The following LUZP2 variants were observed in gnomAD, a reference collection of about 807,000 sequenced individuals.
LUZP2 encodes leucine zipper protein 2.
In LUZP2, 52 loss-of-function variants were observed where a neutral mutation model predicts 51.6. That is an observed-to-expected ratio of 1.01 (90% CI 0.81 to 1.27). The LOEUF (loss-of-function observed/expected upper bound fraction) is 1.27, where lower values mean the gene tolerates loss of function less well. LUZP2 is among the 50% of genes most tolerant of loss of function. The pLI is 0.00. For missense variants in LUZP2, 436 were observed against 395.4 expected, an observed-to-expected ratio of 1.10 and a Z score of -0.87; for synonymous variants, 154 against 137.3, an observed-to-expected ratio of 1.12 and a Z score of -0.85.
chr11:24,762,716 TC>T (rs1419453205), intron 4 of LUZP2, among the ~76,000 whole-genome samples: 1 of 152,116 alleles, frequency 6.6e-6, no homozygotes, highest in Non-Finnish European at 1.5e-5. Context: ...GAAATACGGT[TC>T]CAATAAGTGG....
chr11:24,952,198 C>T (rs1178225856), intron 7 of LUZP2, among the ~76,000 whole-genome samples: 5 of 151,506 alleles, frequency 3.3e-5, no homozygotes, highest in African/African-American at 1.2e-4. Flanking sequence ...TTATCATCGC[C>T]ATCGTTATTT....
intron 1 of LUZP2, among the ~76,000 whole-genome samples, chr11:24,513,947 T>C (rs902085190): frequency 6.6e-6 from 1 of 152,210 alleles, no homozygotes; most frequent in South Asian, 2.1e-4. Flanking sequence ...ACGGATTTAA[T>C]GTTTTGAAGT....
At chr11:24,922,918 G>A (rs181977143) in intron 7 of LUZP2, among the ~76,000 whole-genome samples, 1 of 136,842 alleles carries the variant, frequency 7.3e-6, no homozygotes, top group African/African-American at 2.8e-5. Flanking sequence ...GCACGATCTC[G>A]GCTTACTGAA....
chr11:25,015,591 T>A (rs1857124929), intron 9 of LUZP2, among the ~76,000 whole-genome samples: 1 of 152,112 alleles, frequency 6.6e-6, no homozygotes, highest in Non-Finnish European at 1.5e-5. Flanking sequence ...GCATTCCCAA[T>A]ACAGATCTGT....
chr11:24,762,040 G>A (rs2134030350), intron 4 of LUZP2, among the ~76,000 whole-genome samples: 1 of 152,002 alleles, frequency 6.6e-6, no homozygotes, highest in East Asian at 1.9e-4. Flanking sequence ...AAGAAAATTG[G>A]ACAAAACATT....
At chr11:24,504,373 G>C (rs1850089233) in intron 1 of LUZP2, among the ~76,000 whole-genome samples, 1 of 152,118 alleles carries the variant, frequency 6.6e-6, no homozygotes, top group African/African-American at 2.4e-5. Context: ...GTCACAGTTT[G>C]TGTGATGATG....
chr11:25,013,360 A>C (rs10834579), intron 9 of LUZP2, among the ~76,000 whole-genome samples: 133,931 of 151,900 alleles, frequency 0.88, 61,418 homozygotes, highest in Non-Finnish European at 1. Flanking sequence ...GTGAGGGACA[A>C]CCTAGATACC....
rs556585700 is a variant in LUZP2, at chr11:24,989,892, T to C, written c.765+6599T>C. 1.7e-4 allele frequency among the ~76,000 whole-genome samples: 26 copies of C among 152,274 alleles called. No individual in the cohort carries two copies. The South Asian group carries it at 5.4e-3, about 32-fold the overall frequency. ...AGGTTGTTTTTTTTCTATACTAGTATTGCTAATTATTATAAATATACAAAC... is the reference window on the plus strand; with the variant it reads ...AGGTTGTTTTTTTTCTATACTAGTACTGCTAATTATTATAAATATACAAAC... On this transcript the variant is annotated intron_variant, in intron 9 of 11. Transcript: ENST00000336930.
intron 4 of LUZP2, among the ~76,000 whole-genome samples, chr11:24,761,579 C>T (rs1859981247): frequency 6.6e-6 from 1 of 152,140 alleles, no homozygotes; most frequent in Non-Finnish European, 1.5e-5. Flanking sequence ...GGCCACTCAC[C>T]TCTGGGCTCC....
chr11:25,019,760 C>G (rs1250957191), intron 9 of LUZP2, among the ~76,000 whole-genome samples: 1 of 152,022 alleles, frequency 6.6e-6, no homozygotes, highest in Non-Finnish European at 1.5e-5. Flanking sequence ...ACTATTTAAA[C>G]TGCCGTTATG....
intron 1 of LUZP2, among the ~76,000 whole-genome samples, chr11:24,523,929 C>T (rs1390062544): frequency 6.6e-6 from 1 of 151,602 alleles, no homozygotes; most frequent in East Asian, 1.9e-4. Flanking sequence ...TGTGTCCAGC[C>T]TCTTTGAAAA....
At chr11:25,002,926 G>C (rs949121813) in intron 9 of LUZP2, among the ~76,000 whole-genome samples, 6 of 152,032 alleles carry the variant, frequency 3.9e-5, no homozygotes, top group Non-Finnish European at 7.4e-5. Context: ...TGTATACAGG[G>C]ATCCATAGTC....
chr11:24,761,820 T>G (rs1590470439), intron 4 of LUZP2, among the ~76,000 whole-genome samples: 1 of 152,184 alleles, frequency 6.6e-6, no homozygotes, highest in East Asian at 1.9e-4. Context: ...TTCTCATAAT[T>G]TAGGCAAACT....
chr11:24,870,168 GAA>G (rs904355702), intron 5 of LUZP2, among the ~76,000 whole-genome samples: 1 of 152,068 alleles, frequency 6.6e-6, no homozygotes, highest in Non-Finnish European at 1.5e-5. Flanking sequence ...AACTGTAAAG[GAA>G]AAGTTTGAGC....
rs1401902739 is a variant in LUZP2 at position 24,732,207 on chromosome 11, TC to T, written c.251+20del. On this transcript the variant is annotated intron_variant, in intron 3 of 11. Coordinates refer to ENST00000336930, the MANE Select transcript of LUZP2 (RefSeq NM_001009909.4). ...AACAAAGGTAAGACTTTTCTTTTTTTCTTAGTTATTTCTGCCATAGTGTCAA... is the reference window on the plus strand; with the variant it reads ...AACAAAGGTAAGACTTTTCTTTTTTTTTAGTTATTTCTGCCATAGTGTCAA... The T allele has an allele frequency of 1.7e-5, 26 of 1,571,218 alleles. No individual in the cohort carries two copies. The highest frequency in any genetic ancestry group is 2.2e-5 in the Non-Finnish European group (25 of 1,151,992).
intron 1 of LUZP2, among the ~76,000 whole-genome samples, chr11:24,593,579 C>A (rs1853328738): frequency 6.6e-6 from 1 of 152,162 alleles, no homozygotes; most frequent in African/African-American, 2.4e-5. Context: ...AAATTTAGCA[C>A]TCAAAATCAC....
intron 1 of LUZP2, among the ~76,000 whole-genome samples, chr11:24,560,398 A>C (rs541359181): frequency 6.6e-6 from 1 of 152,332 alleles, no homozygotes; most frequent in African/African-American, 2.4e-5. Context: ...CTAAACAATT[A>C]AATATGTGAC....
chr11:24,533,030 C>T (rs1251422671), intron 1 of LUZP2, among the ~76,000 whole-genome samples: 1 of 151,218 alleles, frequency 6.6e-6, no homozygotes, highest in Non-Finnish European at 1.5e-5. Flanking sequence ...TTGAAAAATA[C>T]TAACATCACC....
chr11:24,753,853 G>A (rs1333052202), intron 4 of LUZP2, among the ~76,000 whole-genome samples: 1 of 152,072 alleles, frequency 6.6e-6, no homozygotes, highest in Non-Finnish European at 1.5e-5. Flanking sequence ...CCCAGACAAT[G>A]CCACGGATGG....
Sources: allele counts gnomAD v4.1 joint callset (sites outside exome capture counted in the v4.1 genomes callset), GRCh38; gene constraint gnomAD v4.1.1; transcripts MANE v1.5; gene names NCBI Gene and HGNC (gene_info 2026-07-23, HGNC 2026-07-21).